The following ACSS3 variants were observed in gnomAD, a reference collection of about 807,000 sequenced individuals.
The protein encoded by ACSS3 is acyl-CoA synthetase short-chain family member 3, mitochondrial.
In ACSS3, 64 loss-of-function variants were observed where a neutral mutation model predicts 84.2. That is an observed-to-expected ratio of 0.76 (90% confidence interval 0.62 to 0.94). The LOEUF (loss-of-function observed/expected upper bound fraction) is 0.94. Ranked by LOEUF, ACSS3 falls within the 40% of genes least tolerant of loss-of-function variation. ACSS3 has a pLI of 0.00. For synonymous variants in ACSS3, 317 were observed against 310.1 expected, an observed-to-expected ratio of 1.02 and a Z score of -0.23; for missense variants, 815 against 867.6, an observed-to-expected ratio of 0.94 and a Z score of 0.76.
At chr12:81,151,566 G>A (rs1886610147) in intron 5 of ACSS3, 1 of 287,510 alleles carries the variant, frequency 3.5e-6, no homozygotes, top group Admixed American at 4.8e-5. Flanking sequence ...AGTTTGTATT[G>A]CATGTAATTT....
rs2034217901 is a variant in ACSS3, at chr12:81,253,605, A to G, written c.1930A>G (p.Lys644Glu). Residue 644 changes from lysine (K) to glutamate (E), a missense_variant, in exon 15 of 16, where the codon AAA (lysine) becomes GAA (glutamate). Lys to Glu is a moderately conservative substitution (Grantham distance 56, BLOSUM62 1). Transcript: ENST00000548058. ...RNAVFVKQLPKTRSGKIPRSA... is the reference protein window; with the variant it reads ...RNAVFVKQLPETRSGKIPRSA... Reference sequence around the variant, plus strand: ...TGCAGTGTTTGTCAAACAGCTACCCAAAACCAGATCTGGCAAGATCCCCCG... The same window carrying G: ...TGCAGTGTTTGTCAAACAGCTACCCGAAACCAGATCTGGCAAGATCCCCCG... The G allele has an allele frequency of 6.2e-7, 1 of 1,613,860 alleles. No individual in the cohort carries two copies. The highest frequency in any genetic ancestry group is 8.5e-7 in the Non-Finnish European group (1 of 1,179,920).
intron 1 of ACSS3, among the ~76,000 whole-genome samples, chr12:81,094,212 T>TGTGTG (rs1881876026): frequency 8.1e-6 from 1 of 123,320 alleles, no homozygotes; most frequent in East Asian, 2.1e-4. Flanking sequence ...GTGTGTGTGT[T>TGTGTG]TCTCTTTCCT....
rs567969418 is a variant in ACSS3 at position 81,079,946 on chromosome 12, A to G, written c.311+1515A>G. 5.3e-5 allele frequency among the ~76,000 whole-genome samples: 8 copies of G among 152,342 alleles called. 1 individual carries two copies. In the East Asian group the frequency reaches 7.7e-4, roughly 15 times the overall value. Reference sequence around the variant, plus strand: ...ATAGCTCTCTTTGTATTCTCAGACCATAATTATCTTAGGAGCAGGAAACTC... The same window carrying G: ...ATAGCTCTCTTTGTATTCTCAGACCGTAATTATCTTAGGAGCAGGAAACTC... On this transcript the variant is annotated intron_variant, in intron 1 of 15. Coordinates refer to ENST00000548058, the MANE Select transcript of ACSS3 (RefSeq NM_024560.4).
intron 11 of ACSS3, among the ~76,000 whole-genome samples, chr12:81,229,851 A>G (rs911147994): frequency 2.6e-5 from 4 of 151,450 alleles, no homozygotes; most frequent in Non-Finnish European, 5.9e-5. Flanking sequence ...GAGGCTGGAC[A>G]TTATAGAAGT....
chr12:81,244,906 T>G (rs941425966), intron 13 of ACSS3, among the ~76,000 whole-genome samples: 4 of 102,196 alleles, frequency 3.9e-5, no homozygotes, highest in Non-Finnish European at 6.1e-5. Flanking sequence ...CTATTCAAAC[T>G]GTGTGTGTGT....
chr12:81,166,807 A>G (rs1259212526), intron 7 of ACSS3, among the ~76,000 whole-genome samples: 1 of 152,154 alleles, frequency 6.6e-6, no homozygotes, highest in Non-Finnish European at 1.5e-5. Context: ...GTTTTGTGCA[A>G]CCTCAGGTTG....
intron 9 of ACSS3, among the ~76,000 whole-genome samples, chr12:81,204,272 T>C (rs1301570835): frequency 2.5e-5 from 2 of 79,420 alleles, no homozygotes; most frequent in African/African-American, 9.6e-5. Flanking sequence ...TTTTTTCTAT[T>C]CTTCCTTCCT....
At chr12:81,157,475 T>G (rs1016111922) in intron 7 of ACSS3, among the ~76,000 whole-genome samples, 1 of 152,180 alleles carries the variant, frequency 6.6e-6, no homozygotes, top group African/African-American at 2.4e-5. Flanking sequence ...TCTCACCCTC[T>G]ATTCAACATA....
At chr12:81,109,818 T>A in intron 2 of ACSS3, 114 bp downstream of exon 2, 1 of 910,358 alleles carries the variant, frequency 1.1e-6, no homozygotes, top group Non-Finnish European at 1.5e-6. Flanking sequence ...TATGTTGCCA[T>A]GCTTTTCTTT....
intron 10 of ACSS3, among the ~76,000 whole-genome samples, chr12:81,217,716 G>A (rs1274105339): frequency 2.0e-5 from 3 of 151,980 alleles, no homozygotes; most frequent in Non-Finnish European, 2.9e-5. Flanking sequence ...GGTGGTGTGC[G>A]CCTCTAACCC....
At chr12:81,139,873 G>T (rs923758731) in intron 4 of ACSS3, among the ~76,000 whole-genome samples, 24 of 151,950 alleles carry the variant, frequency 1.6e-4, no homozygotes, top group Non-Finnish European at 2.6e-4. Flanking sequence ...CTGACCTCGT[G>T]ATCCGCCTGC....
At chr12:81,098,934 T>C (rs900174267) in intron 1 of ACSS3, among the ~76,000 whole-genome samples, 1 of 152,220 alleles carries the variant, frequency 6.6e-6, no homozygotes, top group African/African-American at 2.4e-5. Flanking sequence ...AAACCAGTCT[T>C]CGTTTTGAGA....
chr12:81,146,315 T>C (rs747713753), intron 5 of ACSS3, among the ~76,000 whole-genome samples: 7 of 152,156 alleles, frequency 4.6e-5, no homozygotes, highest in Non-Finnish European at 1.0e-4. Flanking sequence ...TAATCAGGAT[T>C]AATAGTACCT....
At chr12:81,199,678 C>G (rs1210235191) in intron 9 of ACSS3, 1 of 1,441,578 alleles carries the variant, frequency 6.9e-7, no homozygotes, top group Admixed American at 2.1e-5. Flanking sequence ...CACTAAAGAC[C>G]TCTTTATCTT....
intron 2 of ACSS3, among the ~76,000 whole-genome samples, chr12:81,125,121 G>A (rs1884976342): frequency 6.6e-6 from 1 of 152,224 alleles, no homozygotes; most frequent in African/African-American, 2.4e-5. Context: ...GGCTGAGGCA[G>A]GAGAATGGCG....
chr12:81,175,150 T>C (rs376249095), intron 8 of ACSS3, among the ~76,000 whole-genome samples: 1 of 152,222 alleles, frequency 6.6e-6, no homozygotes, highest in African/African-American at 2.4e-5. Context: ...CATGTTAATT[T>C]CAGTTCAAAT....
intron 8 of ACSS3, among the ~76,000 whole-genome samples, chr12:81,180,222 G>T (rs79081147): frequency 6.6e-6 from 1 of 152,106 alleles, no homozygotes; most frequent in Non-Finnish European, 1.5e-5. Flanking sequence ...GACACAAGGG[G>T]TAGAGTGTGG....
intron 7 of ACSS3, among the ~76,000 whole-genome samples, chr12:81,163,526 T>A (rs998800678): frequency 1.3e-5 from 2 of 152,232 alleles, no homozygotes; most frequent in Admixed American, 1.3e-4. Flanking sequence ...TATCTTTATT[T>A]TAGAGCGTAC....
intron 13 of ACSS3, among the ~76,000 whole-genome samples, chr12:81,240,086 G>T (rs2033747275): frequency 6.6e-6 from 1 of 151,830 alleles, no homozygotes. Flanking sequence ...ATTTTATTCA[G>T]TTGATTGATG....
Sources: gnomAD v4.1 joint callset for allele counts (sites outside exome capture counted in the v4.1 genomes callset) on GRCh38, gnomAD v4.1.1 for gene constraint, MANE v1.5 for transcripts, NCBI Gene and HGNC (gene_info 2026-07-23, HGNC 2026-07-21) for gene names.